Variants in KIAA0753 observed in about 807,000 individuals in gnomAD.
The protein encoded by KIAA0753 is protein moonraker.
KIAA0753 carries 114 observed loss-of-function variants against 116.9 expected under a neutral mutation model. That is an observed-to-expected ratio of 0.98 (90% CI 0.84 to 1.14). KIAA0753 has a LOEUF of 1.14. Ranked by LOEUF, KIAA0753 falls within the 50% of genes most tolerant of loss-of-function variation. The pLI, the probability that KIAA0753 is intolerant of heterozygous loss-of-function variation, is 0.00. For synonymous variants in KIAA0753, 405 were observed against 413.1 expected, an observed-to-expected ratio of 0.98 and a Z score of 0.24; for missense variants, 1,156 against 1,172.4, an observed-to-expected ratio of 0.99 and a Z score of 0.20.
chr17:6,627,785 T>C (rs1280043853), intron 3 of KIAA0753, among the ~76,000 whole-genome samples: 1 of 152,190 alleles, frequency 6.6e-6, no homozygotes, highest in Non-Finnish European at 1.5e-5. Flanking sequence ...GGGAAAACAT[T>C]ATAGGATAAT....
intron 7 of KIAA0753, among the ~76,000 whole-genome samples, chr17:6,614,825 G>A (rs2150851881): frequency 6.6e-6 from 1 of 152,356 alleles, no homozygotes; most frequent in African/African-American, 2.4e-5. Flanking sequence ...TTGAGACGGA[G>A]TCTTGCTCTG....
intron 12 of KIAA0753, among the ~76,000 whole-genome samples, chr17:6,606,133 T>C (rs1320466620): frequency 6.6e-6 from 1 of 152,096 alleles, no homozygotes; most frequent in Non-Finnish European, 1.5e-5. Flanking sequence ...AAGCCTCAGT[T>C]GGGGGGAAAA....
chr17:6,629,294 T>C (rs1464320108), intron 2 of KIAA0753, among the ~76,000 whole-genome samples: 1 of 152,248 alleles, frequency 6.6e-6, no homozygotes, highest in Non-Finnish European at 1.5e-5. Context: ...GTTTTCCTCA[T>C]AATAAATACA....
rs369857425 is a variant in KIAA0753 at position 6,623,042 on chromosome 17, T to G, written c.944A>C (p.Gln315Pro). ...AAHRGAIRALQMFVTQFTDRG... is the reference protein window; with the variant it reads ...AAHRGAIRALPMFVTQFTDRG... Reference sequence around the variant, plus strand: ...GTCAGTAAACTGAGTGACAAACATCTGTAAGGCCCGAATGGCTCCTCGATG... The same window carrying G: ...GTCAGTAAACTGAGTGACAAACATCGGTAAGGCCCGAATGGCTCCTCGATG... The change falls in exon 6 of 19, where the codon CAG (glutamine) becomes CCG (proline). Residue 315 changes from glutamine to proline, a missense_variant. Transcript: ENST00000361413. 6.2e-7 allele frequency: 1 copy of G among 1,614,134 alleles called. No homozygotes were observed. The highest frequency in any genetic ancestry group is 8.5e-7 in the Non-Finnish European group (1 of 1,180,026).
rs1371820011 is a variant in KIAA0753 at position 6,579,310 on chromosome 17, C to A, written c.*437G>T. ...AATCGCCAAAGATGCAAAACAGGGGCCCCGTGATGGGACCAGCTAGTAGCC... is the reference window on the plus strand; with the variant it reads ...AATCGCCAAAGATGCAAAACAGGGGACCCGTGATGGGACCAGCTAGTAGCC... On this transcript the variant is annotated 3_prime_UTR_variant, in exon 19 of 19. Transcript: ENST00000361413. The A allele has an allele frequency of 3.2e-5, 5 of 157,500 alleles. No individual in the cohort carries two copies. Among genetic ancestry groups the A allele is most frequent in the South Asian group, 1.9e-4 (1 of 5,272 alleles). The allele number at this position is 157,500 out of a possible 1,614,324, so 9.8% of individuals were successfully genotyped here. A position where few individuals can be genotyped will look rare whatever the true frequency, so the allele number is the denominator to read the frequency against.
chr17:6,593,296 G>C (rs572018809), intron 16 of KIAA0753, among the ~76,000 whole-genome samples: 10 of 152,386 alleles, frequency 6.6e-5, no homozygotes, highest in Non-Finnish European at 1.5e-4. Flanking sequence ...AGCACTTCGG[G>C]AGGCCGGGAG....
chr17:6,606,514 T>C (rs896263578), intron 12 of KIAA0753, among the ~76,000 whole-genome samples: 1 of 152,252 alleles, frequency 6.6e-6, no homozygotes, highest in Non-Finnish European at 1.5e-5. Context: ...TAGCTATATG[T>C]TGATTCACAT....
intron 1 of KIAA0753, 191 bp from the exon 2 acceptor site, chr17:6,635,362 C>A (rs1416341897): frequency 4.0e-6 from 1 of 250,784 alleles, no homozygotes; most frequent in Non-Finnish European, 6.7e-6. Context: ...TTTGGAAGTT[C>A]CCAATTTCAA....
intron 2 of KIAA0753, among the ~76,000 whole-genome samples, chr17:6,634,152 G>C (rs1393327492): frequency 6.7e-6 from 1 of 150,298 alleles, no homozygotes; most frequent in African/African-American, 2.5e-5. Flanking sequence ...ACCCAGGGTG[G>C]AGTGCAGTGG....
intron 6 of KIAA0753, among the ~76,000 whole-genome samples, chr17:6,622,108 A>G (rs1334278276): frequency 6.6e-6 from 1 of 152,190 alleles, no homozygotes; most frequent in African/African-American, 2.4e-5. Context: ...ATGCTAACAT[A>G]AAGATCACCT....
chr17:6,590,726 A>G, intron 16 of KIAA0753, 96 bp from the exon 17 acceptor site: 1 of 1,344,438 alleles, frequency 7.4e-7, no homozygotes, highest in Non-Finnish European at 1.0e-6. Context: ...AGCAAGTTAC[A>G]TGGACATCTC....
chr17:6,598,754 T>C (rs1221699019), intron 14 of KIAA0753, among the ~76,000 whole-genome samples: 1 of 152,206 alleles, frequency 6.6e-6, no homozygotes. Flanking sequence ...TCTCAAATGT[T>C]CTCATTTTTT....
chr17:6,608,455 C>A lies in KIAA0753; in HGVS notation c.1722G>T (p.Trp574Cys). 2.6e-6 allele frequency: 4 copies of A among 1,531,686 alleles called. No homozygotes were observed. Among genetic ancestry groups the A allele is most frequent in the African/African-American group, 2.8e-5 (2 of 71,746 alleles). 94.9% of individuals were successfully genotyped at this position (1,531,686 alleles called of 1,614,324 possible). The stretch of plus-strand genomic sequence containing the variant: ...CTCTGGGGCTAGTTTTCACCTTTAG[C>A]CATGCAGCACTGAAATAAATGGAAA... ...SPPASPKCAA[W>C]LKVKTSPRDA... Residue 574 changes from tryptophan to cysteine, a missense_variant, in exon 10 of 19, where the codon TGG becomes TGT. Trp to Cys is a radical substitution (Grantham distance 215). Transcript: ENST00000361413.
intron 18 of KIAA0753, among the ~76,000 whole-genome samples, chr17:6,583,193 T>G (rs560089476): frequency 6.6e-6 from 1 of 152,346 alleles, no homozygotes; most frequent in East Asian, 1.9e-4. Flanking sequence ...AACTCCAGAC[T>G]GGTAGTTCTT....
chr17:6,598,569 C>T (rs538940791), intron 14 of KIAA0753, among the ~76,000 whole-genome samples: 2 of 152,274 alleles, frequency 1.3e-5, no homozygotes, highest in East Asian at 3.9e-4. Context: ...TTGCTCTGGG[C>T]AATTAAAGCT....
rs777689887 is a variant in KIAA0753, at chr17:6,608,372, C to T, written c.1805G>A (p.Gly602Asp). ...EDPQEESHLT[G>D]AVEHEAARLA... ...CCTGGCTGCTTCATGCTCAACAGCACCTGTCAGGTGACTTTCCTCTTGAGG... is the reference window on the plus strand; with the variant it reads ...CCTGGCTGCTTCATGCTCAACAGCATCTGTCAGGTGACTTTCCTCTTGAGG... Residue 602 changes from glycine (G) to aspartate (D), a missense_variant, in exon 10 of 19, where the codon GGT becomes GAT. Gly to Asp is a moderately conservative substitution (Grantham distance 94). Transcript: ENST00000361413. 16 of 1,543,256 alleles carry T rather than the reference C, an allele frequency of 1.0e-5. No individual in the cohort carries two copies. In the Middle Eastern group the frequency reaches 6.9e-4, roughly 66 times the overall value.
At chr17:6,585,443 G>A (rs1335662954) in intron 18 of KIAA0753, among the ~76,000 whole-genome samples, 1 of 152,152 alleles carries the variant, frequency 6.6e-6, no homozygotes, top group Non-Finnish European at 1.5e-5. Flanking sequence ...TTTTCTTATA[G>A]CATTTCTCTG....
intron 3 of KIAA0753, among the ~76,000 whole-genome samples, chr17:6,627,810 C>T (rs1159353535): frequency 2.0e-5 from 3 of 152,298 alleles, no homozygotes; most frequent in Non-Finnish European, 4.4e-5. Context: ...ACTCAGGTCC[C>T]AGAAGACCTA....
chr17:6,625,190 T>C (rs16955979), intron 3 of KIAA0753, among the ~76,000 whole-genome samples: 15,008 of 152,284 alleles, frequency 0.099, 781 homozygotes, highest in African/African-American at 0.12. Context: ...AAATCTGTTA[T>C]TCTTGCTATT....
Sources: allele counts gnomAD v4.1 joint callset (sites outside exome capture counted in the v4.1 genomes callset), GRCh38; gene constraint gnomAD v4.1.1; transcripts MANE v1.5; gene names NCBI Gene and HGNC (gene_info 2026-07-23, HGNC 2026-07-21).